The following ARPP21 variants were observed in gnomAD, a reference collection of about 807,000 sequenced individuals.
ARPP21 encodes cAMP-regulated phosphoprotein 21.
In ARPP21, 69 loss-of-function variants were observed where a neutral mutation model predicts 113.2. The observed-to-expected ratio is 0.61, with a 90% CI of 0.50 to 0.74. The LOEUF is 0.74. ARPP21 is among the 30% of genes least tolerant of loss of function. The pLI, the probability that ARPP21 is intolerant of heterozygous loss-of-function variation, is 0.00. For missense variants in ARPP21, 1,070 were observed against 1,037.4 expected, an observed-to-expected ratio of 1.03 and a Z score of -0.43; for synonymous variants, 368 against 375.5, an observed-to-expected ratio of 0.98 and a Z score of 0.23.
intron 1 of ARPP21, among the ~76,000 whole-genome samples, chr3:35,644,558 A>C (rs1210022292): frequency 3.3e-5 from 5 of 151,970 alleles, no homozygotes; most frequent in African/African-American, 1.2e-4. Context: ...TGCTCATATA[A>C]CATTTTGAAT....
chr3:35,777,801 G>T (rs2096415164), intron 19 of ARPP21, among the ~76,000 whole-genome samples: 1 of 152,156 alleles, frequency 6.6e-6, no homozygotes, highest in Admixed American at 6.5e-5. Flanking sequence ...GAGTAGTACT[G>T]CTTGAGATGA....
chr3:35,705,592 T>C (rs1484600322), intron 9 of ARPP21, among the ~76,000 whole-genome samples: 1 of 152,114 alleles, frequency 6.6e-6, no homozygotes, highest in Non-Finnish European at 1.5e-5. Flanking sequence ...CAAAACTGAG[T>C]CTCTGAAAGG....
At position 35,794,368 on chromosome 3, in the gene ARPP21, A is replaced by G. The variant is rs1395414765; in HGVS notation, c.*410A>G. ...AAAGCAAAGAAGAATTGATGAATTG[A>G]AGGAATAATTTATATACATTATAGA... On this transcript the variant is annotated 3_prime_UTR_variant, in exon 21 of 21. Coordinates refer to ENST00000684406, the MANE Select transcript of ARPP21 (RefSeq NM_001385562.1). 1 of 196,056 alleles carries G rather than the reference A, an allele frequency of 5.1e-6. No individual in the cohort carries two copies. 12.1% of individuals were successfully genotyped at this position (196,056 alleles called of 1,614,324 possible). A position where few individuals can be genotyped will look rare whatever the true frequency, so the allele number is the denominator to read the frequency against.
chr3:35,650,320 T>C (rs1284177323), intron 1 of ARPP21: 1 of 152,240 alleles, frequency 6.6e-6, no homozygotes, highest in East Asian at 1.9e-4. Context: ...TTCAAGTATT[T>C]ATTGAAGTTT....
Position 35,729,376 on chromosome 3 carries a change from C to T in ARPP21, c.1299C>T (p.Pro433=). Residue 433 remains proline, a synonymous_variant, in exon 15 of 21, where the codon CCC becomes CCT. Transcript: ENST00000684406. ...SRTHPPLQST[P]LVSGVAAGSP... is the part of the protein sequence containing the mutation. The stretch of plus-strand genomic sequence containing the variant: ...CCCATCCACCTCTCCAGAGCACACC[C>T]CTAGTCTCAGGTGTGGCAGCTGGCT... 3.7e-6 allele frequency: 6 copies of T among 1,614,200 alleles called. No homozygotes were observed. Among genetic ancestry groups the T allele is most frequent in the Middle Eastern group, 1.6e-4 (1 of 6,062 alleles).
chr3:35,789,487 T>C (rs1050679507), intron 19 of ARPP21, among the ~76,000 whole-genome samples: 3 of 151,928 alleles, frequency 2.0e-5, no homozygotes, highest in African/African-American at 7.3e-5. Flanking sequence ...TGAATATAAA[T>C]TGGGCTCTCC....
intron 15 of ARPP21, among the ~76,000 whole-genome samples, chr3:35,731,598 C>CAT (rs2093976219): frequency 6.6e-6 from 1 of 152,022 alleles, no homozygotes; most frequent in South Asian, 2.1e-4. Flanking sequence ...TGTGTATGTA[C>CAT]ATATATGCAT....
intron 12 of ARPP21, chr3:35,715,684 A>T: frequency 2.6e-6 from 1 of 378,102 alleles, no homozygotes; most frequent in Non-Finnish European, 4.8e-6. Context: ...AGTTAATTCC[A>T]AACAGAATTG....
chr3:35,732,620 G>C (rs569325952), intron 15 of ARPP21, among the ~76,000 whole-genome samples: 19 of 152,278 alleles, frequency 1.2e-4, no homozygotes, highest in African/African-American at 4.6e-4. Flanking sequence ...CTTCAACTCA[G>C]TGCAATCCAG....
intron 11 of ARPP21, chr3:35,715,150 G>A (rs1452376594): frequency 1.4e-5 from 4 of 283,770 alleles, no homozygotes; most frequent in South Asian, 6.0e-5. Flanking sequence ...ACGGCCACAC[G>A]TTTCTCCAGC....
intron 1 of ARPP21, among the ~76,000 whole-genome samples, chr3:35,642,725 C>T (rs987145568): frequency 3.9e-5 from 6 of 152,036 alleles, no homozygotes; most frequent in Non-Finnish European, 5.9e-5. Context: ...AAACGTTCTG[C>T]GAATAAAATA....
chr3:35,724,435 G>A (rs1201138801), intron 14 of ARPP21, among the ~76,000 whole-genome samples: 1 of 152,122 alleles, frequency 6.6e-6, no homozygotes, highest in Non-Finnish European at 1.5e-5. Context: ...TCAAAGCAGG[G>A]TTTCTGAACT....
At chr3:35,667,986 A>G (rs1406107183) in intron 1 of ARPP21, among the ~76,000 whole-genome samples, 9 of 147,608 alleles carry the variant, frequency 6.1e-5, no homozygotes, top group African/African-American at 2.0e-4. Context: ...AAGAAGAAGA[A>G]GAAGAAGAAG....
chr3:35,673,494 T>G (rs1349306615), intron 1 of ARPP21, among the ~76,000 whole-genome samples: 1 of 151,978 alleles, frequency 6.6e-6, no homozygotes, highest in Non-Finnish European at 1.5e-5. Flanking sequence ...TTGGTAATAA[T>G]AAATCTGAAA....
At chr3:35,706,910 C>G in intron 9 of ARPP21, 64 bp from the exon 10 acceptor site, 1 of 1,278,656 alleles carries the variant, frequency 7.8e-7, no homozygotes, top group East Asian at 2.3e-5. Flanking sequence ...AAGAACAACA[C>G]TAAAAAATAA....
intron 15 of ARPP21, among the ~76,000 whole-genome samples, chr3:35,729,863 G>A (rs1006123247): frequency 7.9e-5 from 12 of 152,116 alleles, no homozygotes; most frequent in African/African-American, 2.9e-4. Context: ...TGATGAGTTG[G>A]GATATACTAA....
chr3:35,684,382 T>A (rs1196849111), intron 5 of ARPP21: 85 of 987,668 alleles, frequency 8.6e-5, no homozygotes, highest in Non-Finnish European at 1.0e-4. Flanking sequence ...ATATTATTAA[T>A]ATATCACTGC....
chr3:35,730,530 C>T (rs754478562), intron 15 of ARPP21, among the ~76,000 whole-genome samples: 3 of 152,146 alleles, frequency 2.0e-5, no homozygotes, highest in Non-Finnish European at 2.9e-5. Context: ...TGAGAATCCC[C>T]GGCTTAGAAA....
chr3:35,717,220 G>A, intron 12 of ARPP21, 78 bp from the exon 13 acceptor site: 1 of 791,784 alleles, frequency 1.3e-6, no homozygotes, highest in Non-Finnish European at 2.2e-6. Context: ...TGCTGTAGTA[G>A]AGTACACATC....
Sources: gnomAD v4.1 joint callset for allele counts (sites outside exome capture counted in the v4.1 genomes callset) on GRCh38, gnomAD v4.1.1 for gene constraint, MANE v1.5 for transcripts, NCBI Gene and HGNC (gene_info 2026-07-23, HGNC 2026-07-21) for gene names.